CEP112: variants seen among roughly 807,000 people sequenced by gnomAD.
CEP112 encodes the protein centrosomal protein 112.
CEP112 carries 127 observed loss-of-function variants against 153.0 expected under a neutral mutation model. The ratio of observed to expected loss-of-function variants is 0.83; its 90% CI spans 0.72 to 0.96. CEP112 has a LOEUF of 0.96. Ranked by LOEUF, CEP112 falls within the 40% of genes least tolerant of loss-of-function variation. CEP112 has a pLI of 0.00. For synonymous variants in CEP112, 358 were observed against 374.4 expected, an observed-to-expected ratio of 0.96 and a Z score of 0.51; for missense variants, 1,089 against 1,101.2, an observed-to-expected ratio of 0.99 and a Z score of 0.16.
At chr17:66,066,591 AC>A (rs2067128312) in intron 10 of CEP112, among the ~76,000 whole-genome samples, 186 bp downstream of exon 10, 1 of 152,024 alleles carries the variant, frequency 6.6e-6, no homozygotes, top group South Asian at 2.1e-4. Context: ...ACACACACAC[AC>A]ACACACAAAT....
intron 19 of CEP112, among the ~76,000 whole-genome samples, chr17:65,920,232 G>C (rs1279658719): frequency 6.6e-6 from 1 of 150,470 alleles, no homozygotes; most frequent in East Asian, 2.0e-4. Flanking sequence ...TGTAATCCCA[G>C]CTACTTGGGA....
At position 65,892,520 on chromosome 17, in the gene CEP112, GAT is replaced by G. The variant is rs2059503988; in HGVS notation, c.2163+9630_2163+9631del. Among the ~76,000 whole-genome samples, 7 of 150,072 alleles carry G rather than the reference GAT, an allele frequency of 4.7e-5. No individual in the cohort carries two copies. In the South Asian group the frequency reaches 1.5e-3, roughly 32 times the overall value. On this transcript the variant is annotated intron_variant, in intron 20 of 26. Coordinates refer to ENST00000535342, the MANE Select transcript of CEP112 (RefSeq NM_001199165.4). Reference sequence around the variant, plus strand: ...CACCAACATTATGGCAGTAGATGATGATTTTTTTTTTTTATTGTGTGCCACTA... The same window carrying G: ...CACCAACATTATGGCAGTAGATGATGTTTTTTTTTTTATTGTGTGCCACTA...
chr17:66,001,433 C>A (rs895824545), intron 17 of CEP112, among the ~76,000 whole-genome samples: 3 of 152,124 alleles, frequency 2.0e-5, no homozygotes, highest in African/African-American at 7.2e-5. Context: ...TACTACTGTA[C>A]ATATACTTAA....
chr17:66,180,228 C>T (rs1168298482), intron 2 of CEP112, among the ~76,000 whole-genome samples: 1 of 152,050 alleles, frequency 6.6e-6, no homozygotes, highest in Non-Finnish European at 1.5e-5. Context: ...ATTCCTCCCT[C>T]CTCTATTTTT....
At chr17:66,121,421 A>C (rs1365512281) in intron 6 of CEP112, among the ~76,000 whole-genome samples, 5 of 152,230 alleles carry the variant, frequency 3.3e-5, no homozygotes, top group Admixed American at 3.3e-4. Context: ...TTTTGCAGCC[A>C]ATCATTCTTC....
chr17:66,036,544 T>C (rs1352822579), intron 12 of CEP112, among the ~76,000 whole-genome samples: 5 of 152,306 alleles, frequency 3.3e-5, no homozygotes, highest in Admixed American at 2.6e-4. Flanking sequence ...TCAGGCACTG[T>C]GCTAAGTGTT....
chr17:66,008,685 C>T (rs1212519724), intron 16 of CEP112, among the ~76,000 whole-genome samples: 6 of 152,102 alleles, frequency 3.9e-5, no homozygotes, highest in Admixed American at 3.3e-4. Flanking sequence ...TCTACCCATT[C>T]CCTGACATCC....
intron 21 of CEP112, among the ~76,000 whole-genome samples, chr17:65,801,948 T>G (rs2145829967): frequency 6.6e-6 from 1 of 152,282 alleles, no homozygotes; most frequent in East Asian, 1.9e-4. Flanking sequence ...AACTGGACAT[T>G]TTCAATATTT....
chr17:66,116,100 A>G (rs2069276836), intron 6 of CEP112, among the ~76,000 whole-genome samples: 3 of 152,228 alleles, frequency 2.0e-5, no homozygotes, highest in Admixed American at 1.3e-4. Context: ...TGACCCAGCT[A>G]CAAGACAAGG....
At chr17:65,672,002 C>T (rs563115896) in intron 24 of CEP112, among the ~76,000 whole-genome samples, 21 of 152,062 alleles carry the variant, frequency 1.4e-4, no homozygotes, top group Non-Finnish European at 2.5e-4. Flanking sequence ...AAGATACAAA[C>T]ATTAAATCTG....
intron 20 of CEP112, among the ~76,000 whole-genome samples, chr17:65,863,861 C>T (rs931931283): frequency 1.4e-5 from 2 of 147,176 alleles, no homozygotes; most frequent in Non-Finnish European, 3.0e-5. Flanking sequence ...AGTGCCTCCA[C>T]GGCCAGGCAC....
At chr17:66,190,661 C>G (rs2146964961) in intron 1 of CEP112, among the ~76,000 whole-genome samples, 1 of 152,298 alleles carries the variant, frequency 6.6e-6, no homozygotes. Flanking sequence ...TTGGGTGACT[C>G]TTGCTTATAG....
At position 65,750,828 on chromosome 17, in the gene CEP112, C is replaced by G. The variant is rs1281019275; in HGVS notation, c.2395-104G>C. ...GCTGGGATGCCTGCCAGCTGCACCG[C>G]CCTTCTGGGGCAGCCAGAAAACCAC... On this transcript the variant is annotated intron_variant, in intron 21 of 26. Transcript: ENST00000535342. The G allele has an allele frequency of 4.0e-6, 4 of 988,278 alleles. No individual in the cohort carries two copies. The East Asian group carries it at 9.7e-5, about 24-fold the overall frequency. 61.2% of individuals were successfully genotyped at this position (988,278 alleles called of 1,614,324 possible).
At chr17:65,944,646 G>C (rs2061597296) in intron 18 of CEP112, among the ~76,000 whole-genome samples, 1 of 152,164 alleles carries the variant, frequency 6.6e-6, no homozygotes, top group African/African-American at 2.4e-5. Context: ...GTGCAGTGCG[G>C]TGGAGTGACC....
intron 20 of CEP112, among the ~76,000 whole-genome samples, chr17:65,865,213 T>C (rs1402504863): frequency 2.6e-5 from 4 of 151,856 alleles, no homozygotes; most frequent in Non-Finnish European, 5.9e-5. Flanking sequence ...GTCTAATTTT[T>C]GTATTATTTG....
intron 6 of CEP112, among the ~76,000 whole-genome samples, chr17:66,102,621 C>G (rs1380950248): frequency 6.6e-6 from 1 of 150,892 alleles, no homozygotes; most frequent in East Asian, 2.0e-4. Context: ...CATGGTGAAA[C>G]CCCGTCTCTA....
intron 24 of CEP112, among the ~76,000 whole-genome samples, chr17:65,662,121 A>G (rs760147501): frequency 6.6e-6 from 1 of 152,160 alleles, no homozygotes; most frequent in Non-Finnish European, 1.5e-5. Flanking sequence ...GGTGGGCACC[A>G]CCACGCCTGA....
At chr17:65,871,086 G>A (rs1252951663) in intron 20 of CEP112, among the ~76,000 whole-genome samples, 2 of 152,158 alleles carry the variant, frequency 1.3e-5, no homozygotes, top group Non-Finnish European at 2.9e-5. Flanking sequence ...GCTAACAATG[G>A]TAGGACATTA....
chr17:65,771,748 C>A (rs188344676), intron 21 of CEP112, among the ~76,000 whole-genome samples: 245 of 152,216 alleles, frequency 1.6e-3, no homozygotes, highest in African/African-American at 5.7e-3. Flanking sequence ...GGCATGGTAG[C>A]TCATGTCTAT....
Sources: allele counts gnomAD v4.1 joint callset (sites outside exome capture counted in the v4.1 genomes callset), GRCh38; gene constraint gnomAD v4.1.1; transcripts MANE v1.5; gene names NCBI Gene and HGNC (gene_info 2026-07-23, HGNC 2026-07-21).